The following RIN3 variants were observed in gnomAD, a reference collection of about 807,000 sequenced individuals.
RIN3 encodes RAB5 interacting protein 3.
In RIN3, 54 loss-of-function variants were observed where a neutral mutation model predicts 76.3. That is an observed-to-expected ratio of 0.71 (90% confidence interval 0.57 to 0.89). The LOEUF is 0.89. RIN3 is among the 40% of genes least tolerant of loss of function. RIN3 has a pLI of 0.00. For missense variants in RIN3, 1,256 were observed against 1,322.1 expected, an observed-to-expected ratio of 0.95 and a Z score of 0.78; for synonymous variants, 576 against 564.0, an observed-to-expected ratio of 1.02 and a Z score of -0.30.
intron 3 of RIN3, among the ~76,000 whole-genome samples, chr14:92,606,516 G>A (rs1459520396): frequency 1.3e-5 from 2 of 152,150 alleles, no homozygotes; most frequent in South Asian, 2.1e-4. Context: ...CTGCATTCTA[G>A]TCTGGGTAAC....
At chr14:92,633,118 A>G (rs1247348205) in intron 4 of RIN3, among the ~76,000 whole-genome samples, 2 of 152,118 alleles carry the variant, frequency 1.3e-5, no homozygotes, top group African/African-American at 4.8e-5. Flanking sequence ...GGCTAGGGGA[A>G]CCAGAGGGGT....
intron 3 of RIN3, among the ~76,000 whole-genome samples, chr14:92,590,242 A>G (rs1884932677): frequency 6.6e-6 from 1 of 152,210 alleles, no homozygotes; most frequent in Non-Finnish European, 1.5e-5. Flanking sequence ...AATATGCCAG[A>G]GCAGTCTGTT....
chr14:92,539,106 C>T (rs1316569740), intron 1 of RIN3, among the ~76,000 whole-genome samples: 1 of 152,104 alleles, frequency 6.6e-6, no homozygotes, highest in African/African-American at 2.4e-5. Context: ...CAGCTTCAGT[C>T]CCTCCAGCTT....
intron 3 of RIN3, among the ~76,000 whole-genome samples, chr14:92,588,214 CTTTTTTTTTTTTTTTT>C (rs141155255): frequency 1.2e-4 from 7 of 58,760 alleles, no homozygotes; most frequent in African/African-American, 2.8e-4. Context: ...CCATAGCACT[CTTTTTTTTTTTTTTTT>C]TTTTTTTTTT....
At chr14:92,541,189 G>A (rs1016164068) in intron 1 of RIN3, among the ~76,000 whole-genome samples, 3 of 152,202 alleles carry the variant, frequency 2.0e-5, no homozygotes, top group Non-Finnish European at 2.9e-5. Context: ...AATGGTTACA[G>A]CATTTGCCAT....
chr14:92,676,227 G>C (rs1470155077), intron 7 of RIN3, among the ~76,000 whole-genome samples: 1 of 151,906 alleles, frequency 6.6e-6, no homozygotes, highest in Admixed American at 6.6e-5. Flanking sequence ...AAGGGGTCAG[G>C]GTCTTGCTCC....
chr14:92,518,017 C>G (rs1407280496), intron 1 of RIN3, among the ~76,000 whole-genome samples: 1 of 152,220 alleles, frequency 6.6e-6, no homozygotes. Context: ...CTTCTGTCCT[C>G]TCCAACGTGC....
intron 3 of RIN3, among the ~76,000 whole-genome samples, chr14:92,614,597 T>A (rs975552588): frequency 6.6e-6 from 1 of 151,902 alleles, no homozygotes; most frequent in African/African-American, 2.4e-5. Flanking sequence ...TGGTGGGAGA[T>A]AATTGAATCA....
At position 92,583,589 on chromosome 14, in the gene RIN3, T is replaced by TA. The variant is rs559467307; in HGVS notation, c.367+6118dup. ...AAGATGAAAAATAACAACACAACAA[T>TA]AAAAAATAATGTAAATTAAAATATA... On this transcript the variant is annotated intron_variant, in intron 3 of 9. Coordinates refer to ENST00000216487, the MANE Select transcript of RIN3 (RefSeq NM_024832.5). Among the ~76,000 whole-genome samples the TA allele has an allele frequency of 9.2e-5, 14 of 152,078 alleles. No homozygotes were observed. The South Asian group carries it at 2.7e-3, about 29-fold the overall frequency.
intron 2 of RIN3, among the ~76,000 whole-genome samples, chr14:92,573,342 C>T (rs2140054230): frequency 6.6e-6 from 1 of 152,322 alleles, no homozygotes; most frequent in South Asian, 2.1e-4. Flanking sequence ...AGGTAGCTAA[C>T]ACTCCTAGAA....
chr14:92,544,191 T>TCA lies in RIN3; in HGVS notation c.45-11557_45-11556dup, dbSNP rs1897192940. ...AAAGAGGTAGAGGAGCTCAGGAGGA[T>TCA]CACAGGCCCTATCTAGCCTGAAGCC... On this transcript the variant is annotated intron_variant, in intron 1 of 9. Coordinates refer to ENST00000216487, the MANE Select transcript of RIN3 (RefSeq NM_024832.5). Among the ~76,000 whole-genome samples the TCA allele has an allele frequency of 4.6e-5, 7 of 152,172 alleles. No individual in the cohort carries two copies. In the South Asian group the frequency reaches 1.5e-3, roughly 32 times the overall value.
Position 92,615,394 on chromosome 14 carries a change from T to A in RIN3, c.368-13T>A, listed in dbSNP as rs376320506. On this transcript the variant is annotated splice_polypyrimidine_tract_variant and intron_variant, in intron 3 of 9. Coordinates refer to ENST00000216487, the MANE Select transcript of RIN3 (RefSeq NM_024832.5). ...TACTCACCTCACCCAGGGCCCTTCT[T>A]GTGTCTCCCCAGTATTGTACCTGGA... 2 of 1,613,226 alleles carry A rather than the reference T, an allele frequency of 1.2e-6. No individual in the cohort carries two copies. Among genetic ancestry groups the A allele is most frequent in the Admixed American group, 1.7e-5 (1 of 59,996 alleles).
chr14:92,624,365 G>C (rs1185159994), intron 4 of RIN3, among the ~76,000 whole-genome samples: 1 of 152,176 alleles, frequency 6.6e-6, no homozygotes, highest in African/African-American at 2.4e-5. Flanking sequence ...ACGGTTTAGG[G>C]TGGGGGAGGA....
chr14:92,612,841 G>T lies in RIN3; in HGVS notation c.368-2566G>T, dbSNP rs542950884. Among the ~76,000 whole-genome samples, 10 of 152,344 alleles carry T rather than the reference G, an allele frequency of 6.6e-5. No homozygotes were observed. The East Asian group carries it at 1.9e-3, about 29-fold the overall frequency. On this transcript the variant is annotated intron_variant, in intron 3 of 9. Transcript: ENST00000216487. ...GCCTCTGCGTCTAGCGTCGTGTTGG[G>T]CCCTGGCTGCCAAAGCGAATAAGCC... is the stretch of plus-strand genomic sequence containing the variant.
At chr14:92,572,246 G>C (rs1898079092) in intron 2 of RIN3, among the ~76,000 whole-genome samples, 1 of 152,226 alleles carries the variant, frequency 6.6e-6, no homozygotes, top group Non-Finnish European at 1.5e-5. Flanking sequence ...GCACTTGGGA[G>C]GGGCCGCATG....
intron 1 of RIN3, among the ~76,000 whole-genome samples, chr14:92,521,200 T>C (rs1015773772): frequency 6.7e-6 from 1 of 149,602 alleles, no homozygotes; most frequent in Non-Finnish European, 1.5e-5. Context: ...TATCCACCCA[T>C]CGACCTATCC....
rs139736369 is a variant in RIN3, at chr14:92,549,820, A to G, written c.45-5931A>G. 5.9e-5 allele frequency among the ~76,000 whole-genome samples: 9 copies of G among 152,326 alleles called. No individual in the cohort carries two copies. The South Asian group carries it at 1.0e-3, about 18-fold the overall frequency. On this transcript the variant is annotated intron_variant, in intron 1 of 9. Coordinates refer to ENST00000216487, the MANE Select transcript of RIN3 (RefSeq NM_024832.5). ...CCTGCTGCTCTGAGCTCATTGCTCT[A>G]TTCCCCATGAGTGGGAGAACAACCC...
intron 4 of RIN3, among the ~76,000 whole-genome samples, chr14:92,632,781 G>A (rs1194742402): frequency 6.6e-6 from 1 of 152,212 alleles, no homozygotes; most frequent in African/African-American, 2.4e-5. Flanking sequence ...GGCAAGGAAG[G>A]GCGGGAAGGG....
chr14:92,637,064 C>T (rs1254373290), intron 4 of RIN3, among the ~76,000 whole-genome samples: 2 of 152,046 alleles, frequency 1.3e-5, no homozygotes, highest in Non-Finnish European at 2.9e-5. Context: ...AATTTTTCCA[C>T]GGGCCAGGGG....
Sources: gnomAD v4.1 joint callset for allele counts (sites outside exome capture counted in the v4.1 genomes callset) on GRCh38, gnomAD v4.1.1 for gene constraint, MANE v1.5 for transcripts, NCBI Gene and HGNC (gene_info 2026-07-23, HGNC 2026-07-21) for gene names.